Variants in COL22A1 observed in about 807,000 individuals in gnomAD.
COL22A1 encodes collagen type XXII alpha 1 chain, also known as collagen alpha-1(XXII) chain.
A neutral mutation model predicts 248.9 loss-of-function variants in COL22A1; 221 were observed. The ratio of observed to expected loss-of-function variants is 0.89; its 90% CI spans 0.80 to 0.99. The LOEUF (loss-of-function observed/expected upper bound fraction) is 0.99. COL22A1 is among the 50% of genes least tolerant of loss of function. The pLI, the probability that COL22A1 is intolerant of heterozygous loss-of-function variation, is 0.00. For synonymous variants in COL22A1, 891 were observed against 793.4 expected (o/e 1.12, Z -2.07); for missense variants, 2,240 against 2,179.0 (o/e 1.03, Z -0.56).
chr8:138,698,920 C>T (rs1663934617), intron 32 of COL22A1, among the ~76,000 whole-genome samples: 3 of 152,216 alleles, frequency 2.0e-5, no homozygotes, highest in African/African-American at 7.2e-5. Flanking sequence ...TGCAAATATC[C>T]TGTTATTTGC....
chr8:138,639,683 C>G (rs529986487), intron 47 of COL22A1, among the ~76,000 whole-genome samples: 4 of 152,206 alleles, frequency 2.6e-5, no homozygotes, highest in Admixed American at 6.5e-5. Context: ...TATGCAAATA[C>G]TTTTAAAAGC....
chr8:138,709,973 C>T, intron 30 of COL22A1, among the ~76,000 whole-genome samples: 1 of 152,302 alleles, frequency 6.6e-6, no homozygotes, highest in East Asian at 1.9e-4. Context: ...GCCCCACCCC[C>T]ATGAAGGAGT....
chr8:138,745,724 G>A (rs1054058466), intron 22 of COL22A1, among the ~76,000 whole-genome samples: 7 of 152,244 alleles, frequency 4.6e-5, no homozygotes, highest in East Asian at 3.9e-4. Context: ...TGGATGATTC[G>A]GGCATGACAA....
intron 10 of COL22A1, among the ~76,000 whole-genome samples, chr8:138,806,734 G>A (rs1353561260): frequency 1.3e-5 from 2 of 152,142 alleles, no homozygotes; most frequent in African/African-American, 4.8e-5. Context: ...GCACTGGAAC[G>A]GTAATCCTTA....
chr8:138,678,871 T>C (rs1172507584), intron 40 of COL22A1, among the ~76,000 whole-genome samples: 1 of 152,206 alleles, frequency 6.6e-6, no homozygotes, highest in African/African-American at 2.4e-5. Flanking sequence ...CTATATAAGG[T>C]TGAGAAATAC....
At chr8:138,726,716 C>T (rs1298588633) in intron 23 of COL22A1, among the ~76,000 whole-genome samples, 6 of 152,184 alleles carry the variant, frequency 3.9e-5, no homozygotes, top group Middle Eastern at 3.4e-3. Context: ...TCATAAAGGC[C>T]GGCTGCTGTT....
intron 3 of COL22A1, among the ~76,000 whole-genome samples, chr8:138,859,498 G>A (rs1286416611): frequency 6.6e-6 from 1 of 152,230 alleles, no homozygotes; most frequent in East Asian, 1.9e-4. Flanking sequence ...CTTTGGTGAG[G>A]CTGTGGGGAA....
intron 3 of COL22A1, among the ~76,000 whole-genome samples, chr8:138,858,294 A>G (rs536068706): frequency 3.2e-4 from 49 of 152,204 alleles, no homozygotes; most frequent in Non-Finnish European, 6.6e-4. Flanking sequence ...ACCAAGTTCA[A>G]TATGGAGGAC....
intron 62 of COL22A1, among the ~76,000 whole-genome samples, chr8:138,595,641 AG>A (rs940329235): frequency 7.9e-5 from 12 of 152,036 alleles, no homozygotes; most frequent in Non-Finnish European, 1.5e-4. Flanking sequence ...TACAGGAAAA[AG>A]ATCGTGTTCT....
intron 30 of COL22A1, among the ~76,000 whole-genome samples, chr8:138,703,825 G>A (rs758799910): frequency 5.3e-5 from 8 of 152,126 alleles, no homozygotes; most frequent in Non-Finnish European, 8.8e-5. Context: ...GCAGGGCAGG[G>A]CATTGCCTCA....
chr8:138,623,682 C>T, intron 52 of COL22A1, 50 bp downstream of exon 52: 1 of 1,485,846 alleles, frequency 6.7e-7, no homozygotes, highest in East Asian at 2.3e-5. Flanking sequence ...TTGTTTTTGA[C>T]ATGTAATAGA....
chr8:138,801,489 T>G (rs1368652346), intron 11 of COL22A1, among the ~76,000 whole-genome samples: 2 of 152,156 alleles, frequency 1.3e-5, no homozygotes, highest in African/African-American at 4.8e-5. Context: ...TCCTGAGCAC[T>G]GAGAACACAG....
At chr8:138,659,034 G>A (rs1823553742) in intron 44 of COL22A1, among the ~76,000 whole-genome samples, 3 of 152,082 alleles carry the variant, frequency 2.0e-5, no homozygotes, top group South Asian at 4.2e-4. Context: ...ATCTGGCAGA[G>A]GTCATCTGAA....
intron 1 of COL22A1, among the ~76,000 whole-genome samples, chr8:138,895,490 A>G (rs1414830048): frequency 6.6e-6 from 1 of 152,168 alleles, no homozygotes; most frequent in Non-Finnish European, 1.5e-5. Context: ...TAATTTAAGA[A>G]CTAAAAAAAA....
intron 10 of COL22A1, among the ~76,000 whole-genome samples, chr8:138,803,818 T>G (rs1295388240): frequency 6.6e-6 from 1 of 152,242 alleles, no homozygotes; most frequent in Non-Finnish European, 1.5e-5. Flanking sequence ...GTTCTTGATC[T>G]GAAACTTTAT....
chr8:138,604,061 G>A (rs1412444834), intron 59 of COL22A1, among the ~76,000 whole-genome samples: 1 of 152,144 alleles, frequency 6.6e-6, no homozygotes, highest in Admixed American at 6.5e-5. Flanking sequence ...AGGAAAGTTG[G>A]CAAAGGCAAT....
intron 23 of COL22A1, among the ~76,000 whole-genome samples, chr8:138,733,453 A>G (rs1194216133): frequency 2.0e-5 from 3 of 152,164 alleles, no homozygotes; most frequent in African/African-American, 7.2e-5. Flanking sequence ...AAACTCTCTG[A>G]GCTTGGTTTC....
chr8:138,847,023 C>A (rs1462810008), intron 3 of COL22A1, among the ~76,000 whole-genome samples: 2 of 152,182 alleles, frequency 1.3e-5, no homozygotes, highest in Non-Finnish European at 2.9e-5. Context: ...CTTGAACAAC[C>A]CCAGGGGCTT....
intron 5 of COL22A1, among the ~76,000 whole-genome samples, chr8:138,831,653 G>A (rs556462204): frequency 3.9e-4 from 60 of 152,242 alleles, no homozygotes; most frequent in African/African-American, 1.3e-3. Flanking sequence ...AGGATGCCTG[G>A]GAGGACCTAG....
Sources: gnomAD v4.1 joint callset for allele counts (sites outside exome capture counted in the v4.1 genomes callset) on GRCh38, gnomAD v4.1.1 for gene constraint, MANE v1.5 for transcripts, NCBI Gene and HGNC (gene_info 2026-07-23, HGNC 2026-07-21) for gene names.